PRSS23: variants seen among roughly 807,000 people sequenced by gnomAD.
PRSS23 encodes the protein protease, serine 23.
In PRSS23, 25 loss-of-function variants were observed where a neutral mutation model predicts 34.7. That is an observed-to-expected ratio of 0.72 (90% CI 0.53 to 1.01). The LOEUF (loss-of-function observed/expected upper bound fraction) is 1.01. PRSS23 is among the 50% of genes least tolerant of loss of function. The probability of loss-of-function intolerance (pLI) is 0.00; values close to 1 mark genes in which losing one functional copy is unlikely to be tolerated. For synonymous variants in PRSS23, 176 were observed against 186.6 expected (o/e 0.94, Z 0.46); for missense variants, 445 against 475.6 (o/e 0.94, Z 0.60).
intron 2 of PRSS23, among the ~76,000 whole-genome samples, chr11:86,877,882 G>T (rs1948735712): frequency 6.6e-6 from 1 of 150,934 alleles, no homozygotes; most frequent in Admixed American, 6.6e-5. Context: ...GGTGGGGTGG[G>T]GGGTGTGCAG....
At chr11:86,862,700 A>G (rs1259306738) in intron 2 of PRSS23, among the ~76,000 whole-genome samples, 2 of 151,888 alleles carry the variant, frequency 1.3e-5, no homozygotes, top group Non-Finnish European at 1.5e-5. Context: ...TCTTAGAGGC[A>G]TATTACTCTT....
chr11:86,820,021 A>C (rs779617821), intron 1 of PRSS23, among the ~76,000 whole-genome samples: 7 of 152,218 alleles, frequency 4.6e-5, no homozygotes, highest in Non-Finnish European at 1.0e-4. Flanking sequence ...AAAGTCCAAA[A>C]AATGTATAAC....
rs139607836 is a variant in PRSS23 at position 86,873,313 on chromosome 11, G to A, written c.206+49720G>A. On this transcript the variant is annotated intron_variant, in intron 2 of 2. Transcript: ENST00000533902. ...ATATATATATTTTTTTTCTTTTTGA[G>A]ATGGAGTTTCACTCTGTTATCCAGG... Among the ~76,000 whole-genome samples, 710 of 144,688 alleles carry A rather than the reference G, an allele frequency of 4.9e-3. 5 individuals carry two copies. The highest frequency in any genetic ancestry group is 0.017 in the African/African-American group (663 of 38,736). The allele number at this position is 144,688 out of a possible 152,430, so 94.9% of individuals were successfully genotyped here.
rs953553412 is a variant in PRSS23 at position 86,952,620 on chromosome 11, C to T, written c.*1335C>T. 6.4e-6 allele frequency: 5 copies of T among 780,024 alleles called. No individual in the cohort carries two copies. In the South Asian group the frequency reaches 8.3e-5, roughly 13 times the overall value. The allele number at this position is 780,024 out of a possible 1,614,324, so 48.3% of individuals were successfully genotyped here. On this transcript the variant is annotated 3_prime_UTR_variant, in exon 3 of 3. Transcript: ENST00000533902. ...TCGGGAGTCTGTCTGTTTACTCTGA[C>T]CTCAAACAAGGGCGCCTGATAATCC...
At chr11:86,800,725 G>A (rs1364169882) in intron 1 of PRSS23, 74 bp downstream of exon 1, 1 of 858,892 alleles carries the variant, frequency 1.2e-6, no homozygotes, top group Non-Finnish European at 1.4e-6. Flanking sequence ...CGGGACAAAG[G>A]GCCGGGTATG....
chr11:86,933,896 C>T (rs3740665), intron 2 of PRSS23: 94,936 of 152,012 alleles, frequency 0.62, 30,150 homozygotes, highest in Non-Finnish European at 0.69. Flanking sequence ...AATGATGCGA[C>T]GAGATCATTG....
At position 86,874,083 on chromosome 11, in the gene PRSS23, C is replaced by T. The variant is rs576931789; in HGVS notation, c.206+50490C>T. 2.7e-4 allele frequency among the ~76,000 whole-genome samples: 41 copies of T among 152,198 alleles called. No homozygotes were observed. The Middle Eastern group carries it at 0.017, about 63-fold the overall frequency. On this transcript the variant is annotated intron_variant, in intron 2 of 2. Transcript: ENST00000533902. ...AGAGAAGGCTGGGAGAGCCATCAGACCAAGAAGAGGGTTTAATCTTTGTGA... is the reference window on the plus strand; with the variant it reads ...AGAGAAGGCTGGGAGAGCCATCAGATCAAGAAGAGGGTTTAATCTTTGTGA...
intron 2 of PRSS23, among the ~76,000 whole-genome samples, chr11:86,854,899 G>A (rs145133223): frequency 2.6e-5 from 4 of 152,302 alleles, no homozygotes; most frequent in African/African-American, 9.6e-5. Context: ...AGGTGCGGTT[G>A]CTCACGCCTG....
rs776029346 is a variant in PRSS23, at chr11:86,808,783, T to A, written c.1140T>A (p.Cys380Ter). 6.2e-7 allele frequency: 1 copy of A among 1,606,804 alleles called. No homozygotes were observed. The highest frequency in any genetic ancestry group is 1.1e-5 in the South Asian group (1 of 89,942). ...CYWIKGNYLD[C>*]REG ...GGATTAAAGGAAACTACCTGGATTG[T>A]AGGGAGGGGTGACACAGTGTTCCCT... is the stretch of plus-strand genomic sequence containing the variant. Residue 380 changes from cysteine (C) to a stop codon, truncating the protein, a stop_gained, in exon 2 of 2, where the codon TGT (cysteine) becomes TGA (stop). Coordinates refer to ENST00000280258, the MANE Select transcript of PRSS23 (RefSeq NM_007173.6). LOFTEE classifies it high-confidence loss of function.
At chr11:86,850,310 AC>A (rs1462727932) in intron 2 of PRSS23, among the ~76,000 whole-genome samples, 1 of 152,144 alleles carries the variant, frequency 6.6e-6, no homozygotes, top group Non-Finnish European at 1.5e-5. Context: ...CCTCTGGAGG[AC>A]ACCACAACTG....
At chr11:86,879,717 G>A (rs1242332819) in intron 2 of PRSS23, among the ~76,000 whole-genome samples, 4 of 143,664 alleles carry the variant, frequency 2.8e-5, no homozygotes, top group South Asian at 2.2e-4. Flanking sequence ...CATCCGGGAG[G>A]GAGGTGGGGG....
At chr11:86,848,603 CTCCGGAT>C (rs1948505645) in intron 2 of PRSS23, among the ~76,000 whole-genome samples, 1 of 152,204 alleles carries the variant, frequency 6.6e-6, no homozygotes, top group Non-Finnish European at 1.5e-5. Context: ...ACCCCCGTAA[CTCCGGAT>C]TCCCTGGAAG....
intron 2 of PRSS23, among the ~76,000 whole-genome samples, chr11:86,913,558 G>A (rs1365520431): frequency 6.6e-6 from 1 of 151,486 alleles, no homozygotes; most frequent in Non-Finnish European, 1.5e-5. Flanking sequence ...ACTAGGGATA[G>A]AGAAACCAGT....
intron 1 of PRSS23, among the ~76,000 whole-genome samples, chr11:86,801,707 A>C (rs189361379): frequency 6.6e-6 from 1 of 152,218 alleles, no homozygotes; most frequent in African/African-American, 2.4e-5. Flanking sequence ...CTACTTGTGC[A>C]TGCGAGTATT....
intron 2 of PRSS23, among the ~76,000 whole-genome samples, chr11:86,939,426 A>ATATATTTTTTTTTTTT: frequency 4.4e-4 from 41 of 94,072 alleles, no homozygotes; most frequent in African/African-American, 9.3e-4. Context: ...ATATATATAT[A>ATATATTTTTTTTTTTT]TTTTTTAACA....
At chr11:86,943,879 G>T (rs1051474059) in intron 2 of PRSS23, among the ~76,000 whole-genome samples, 24 of 151,752 alleles carry the variant, frequency 1.6e-4, no homozygotes, top group Admixed American at 1.2e-3. Flanking sequence ...AAGTAGCTGG[G>T]ACTACAGGCG....
Position 86,856,455 on chromosome 11 carries a change from C to T in PRSS23, c.206+32862C>T, listed in dbSNP as rs1208070329. Among the ~76,000 whole-genome samples the T allele has an allele frequency of 4.6e-5, 7 of 151,610 alleles. No individual in the cohort carries two copies. The South Asian group carries it at 1.0e-3, about 23-fold the overall frequency. On this transcript the variant is annotated intron_variant, in intron 2 of 2. Coordinates refer to the PRSS23 transcript ENST00000533902. ...TCAAAGCCAACGTTGAGAACCGAACCGGTGACACGGATCTCTACACATAAC... is the reference window on the plus strand; with the variant it reads ...TCAAAGCCAACGTTGAGAACCGAACTGGTGACACGGATCTCTACACATAAC...
chr11:86,807,945 T>C lies in PRSS23; in HGVS notation c.302T>C (p.Val101Ala). ...YANGSRTETQ[V>A]GIYILSSSGD... ...AATGGCAGCCGCACAGAGACGCAGG[T>C]GGGCATCTACATCCTCAGCAGTAGT... The change falls in exon 2 of 2, where the codon GTG (valine) becomes GCG (alanine). Residue 101 changes from valine to alanine, a missense_variant. Val to Ala is a moderately conservative substitution (Grantham distance 64). Coordinates refer to ENST00000280258, the MANE Select transcript of PRSS23 (RefSeq NM_007173.6). The C allele has an allele frequency of 6.2e-7, 1 of 1,613,872 alleles. No homozygotes were observed. Among genetic ancestry groups the C allele is most frequent in the South Asian group, 1.1e-5 (1 of 91,054 alleles).
intron 2 of PRSS23, among the ~76,000 whole-genome samples, chr11:86,861,610 G>A (rs2511876): frequency 0.29 from 43,266 of 151,510 alleles, 6,688 homozygotes; most frequent in Admixed American, 0.4. Flanking sequence ...CGTACTATCC[G>A]GGAGGTGGGG....
Sources: gnomAD v4.1 joint callset for allele counts (sites outside exome capture counted in the v4.1 genomes callset) on GRCh38, gnomAD v4.1.1 for gene constraint, MANE v1.5 for transcripts, NCBI Gene and HGNC (gene_info 2026-07-23, HGNC 2026-07-21) for gene names.